The following MBOAT1 variants were observed in gnomAD, a reference collection of about 807,000 sequenced individuals.
The protein encoded by MBOAT1 is membrane-bound glycerophospholipid O-acyltransferase 1.
In MBOAT1, 67 loss-of-function variants were observed where a neutral mutation model predicts 64.4. That is an observed-to-expected ratio of 1.04 (90% confidence interval 0.85 to 1.27). The LOEUF (loss-of-function observed/expected upper bound fraction) is 1.27. Among genes scored for constraint, MBOAT1 ranks in the 50% most tolerant of loss-of-function variants. MBOAT1 has a pLI of 0.00. For synonymous variants in MBOAT1, 229 were observed against 218.9 expected (o/e 1.05, Z -0.41); for missense variants, 563 against 604.6 (o/e 0.93, Z 0.72).
chr6:20,185,305 T>C (rs1762620713), intron 1 of MBOAT1, among the ~76,000 whole-genome samples: 1 of 152,190 alleles, frequency 6.6e-6, no homozygotes, highest in Non-Finnish European at 1.5e-5. Context: ...ATATGCCAAC[T>C]TGGCTAGGCC....
At chr6:20,109,803 A>G (rs2113628409) in intron 11 of MBOAT1, 54 bp from the exon 12 acceptor site, 1 of 1,570,132 alleles carries the variant, frequency 6.4e-7, no homozygotes, top group Non-Finnish European at 8.7e-7. Context: ...ACAAATAACA[A>G]CTTTTACTCT....
intron 1 of MBOAT1, among the ~76,000 whole-genome samples, chr6:20,171,598 CTA>C (rs1762198933): frequency 6.6e-6 from 1 of 152,082 alleles, no homozygotes; most frequent in South Asian, 2.1e-4. Context: ...TCATGTACGT[CTA>C]TTGGAAATGA....
At chr6:20,202,576 C>T (rs1479368023) in intron 1 of MBOAT1, among the ~76,000 whole-genome samples, 1 of 148,042 alleles carries the variant, frequency 6.8e-6, no homozygotes, top group African/African-American at 2.5e-5. Context: ...TCCACTAATA[C>T]AAGGAAGTTG....
intron 1 of MBOAT1, among the ~76,000 whole-genome samples, chr6:20,196,164 C>T (rs1342825298): frequency 6.6e-6 from 1 of 152,190 alleles, no homozygotes; most frequent in East Asian, 1.9e-4. Flanking sequence ...AAATCCAAAG[C>T]AGCAAATGCA....
chr6:20,113,627 AT>A (rs1471702823), intron 10 of MBOAT1, among the ~76,000 whole-genome samples: 1 of 151,960 alleles, frequency 6.6e-6, no homozygotes, highest in Non-Finnish European at 1.5e-5. Context: ...TTAAAGAGTG[AT>A]ACTGTGACAA....
chr6:20,149,239 G>C (rs541820876), intron 3 of MBOAT1, among the ~76,000 whole-genome samples: 2 of 152,036 alleles, frequency 1.3e-5, no homozygotes, highest in Non-Finnish European at 2.9e-5. Context: ...AAACCACATG[G>C]CTCTGCCAAG....
At chr6:20,116,527 A>G (rs1434417479) in intron 9 of MBOAT1, among the ~76,000 whole-genome samples, 2 of 152,006 alleles carry the variant, frequency 1.3e-5, no homozygotes, top group Non-Finnish European at 2.9e-5. Flanking sequence ...AGGGAGAGAA[A>G]AGTGGGAGGA....
intron 1 of MBOAT1, among the ~76,000 whole-genome samples, chr6:20,165,425 AC>A (rs1761987097): frequency 6.6e-6 from 1 of 152,130 alleles, no homozygotes. Context: ...CACACTGTGT[AC>A]CCAACTCTAC....
rs548463279 is a variant in MBOAT1 at position 20,196,873 on chromosome 6, A to C, written c.99+15263T>G. On this transcript the variant is annotated intron_variant, in intron 1 of 12. Transcript: ENST00000324607. Reference sequence around the variant, plus strand: ...GCGAAACTCCATCTCAAAAAAAAAAACAAACAAACAAAAAAAAAACTGAAC... The same window carrying C: ...GCGAAACTCCATCTCAAAAAAAAAACCAAACAAACAAAAAAAAAACTGAAC... Among the ~76,000 whole-genome samples the C allele has an allele frequency of 8.3e-4, 119 of 143,528 alleles. 1 individual carries two copies. Among genetic ancestry groups the C allele is most frequent in the African/African-American group, 2.6e-3 (101 of 39,132 alleles). The allele number at this position is 143,528 out of a possible 152,430, so 94.2% of individuals were successfully genotyped here.
intron 1 of MBOAT1, among the ~76,000 whole-genome samples, chr6:20,165,967 C>T (rs1762005434): frequency 6.6e-6 from 1 of 151,738 alleles, no homozygotes; most frequent in Non-Finnish European, 1.5e-5. Flanking sequence ...AATGAATGCT[C>T]ATTTAAAAAA....
At chr6:20,181,132 A>T (rs1470155807) in intron 1 of MBOAT1, among the ~76,000 whole-genome samples, 1 of 152,226 alleles carries the variant, frequency 6.6e-6, no homozygotes, top group Non-Finnish European at 1.5e-5. Context: ...GGCATTTCCC[A>T]TCTTGTGGCT....
At chr6:20,193,207 C>T (rs886640833) in intron 1 of MBOAT1, among the ~76,000 whole-genome samples, 4 of 151,360 alleles carry the variant, frequency 2.6e-5, no homozygotes, top group South Asian at 2.1e-4. Context: ...GGGGTTTCAC[C>T]GTGTTAGCCA....
At chr6:20,140,013 T>C (rs974696639) in intron 4 of MBOAT1, among the ~76,000 whole-genome samples, 1 of 152,128 alleles carries the variant, frequency 6.6e-6, no homozygotes, top group African/African-American at 2.4e-5. Flanking sequence ...ACCAAAGCCT[T>C]TCCTTGGAGT....
intron 1 of MBOAT1, among the ~76,000 whole-genome samples, chr6:20,157,178 G>A (rs181812537): frequency 9.9e-5 from 15 of 152,264 alleles, no homozygotes; most frequent in African/African-American, 3.1e-4. Context: ...TGTAATCCTA[G>A]TTACTCAGGA....
intron 11 of MBOAT1, among the ~76,000 whole-genome samples, chr6:20,111,869 C>CATATATATACATATATATATATAT (rs1760173117): frequency 8.0e-6 from 1 of 124,324 alleles, no homozygotes; most frequent in African/African-American, 3.9e-5. Context: ...CATATATATA[C>CATATATATACATATATATATATAT]ATATATATAT....
intron 3 of MBOAT1, among the ~76,000 whole-genome samples, chr6:20,149,100 CA>C (rs60045654): frequency 0.29 from 26,192 of 91,584 alleles, 2,231 homozygotes; most frequent in Middle Eastern, 0.4. Flanking sequence ...GACTCTGTCT[CA>C]AAAAAAAAAA....
In MBOAT1 at chr6:20,102,289, A is replaced by G; in HGVS notation, c.1485T>C (p.Asp495=). ...TGTTCCGCTTCTCTTGGAGGTATCA[A>G]TCTGTTTTTCTCTTATTAATAGAGT... is the stretch of plus-strand genomic sequence containing the variant. ...TLNSINKRKT[D] is the part of the protein sequence containing the mutation. Residue 495 remains aspartate, a synonymous_variant, in exon 13 of 13, where the codon GAT becomes GAC. Transcript: ENST00000324607. 1.2e-6 allele frequency: 2 copies of G among 1,612,920 alleles called. No homozygotes were observed. Among genetic ancestry groups the G allele is most frequent in the Non-Finnish European group, 1.7e-6 (2 of 1,179,700 alleles).
chr6:20,170,140 T>C (rs1353151422), intron 1 of MBOAT1, among the ~76,000 whole-genome samples: 2 of 152,198 alleles, frequency 1.3e-5, no homozygotes, highest in Admixed American at 6.5e-5. Flanking sequence ...CCTGCAATGA[T>C]GATGCCCTTC....
intron 8 of MBOAT1, among the ~76,000 whole-genome samples, chr6:20,120,876 T>A (rs1388888067): frequency 1.3e-5 from 2 of 152,202 alleles, no homozygotes; most frequent in African/African-American, 4.8e-5. Flanking sequence ...CAAGCCTGGT[T>A]TTTGTCTCAG....
Sources: allele counts gnomAD v4.1 joint callset (sites outside exome capture counted in the v4.1 genomes callset), GRCh38; gene constraint gnomAD v4.1.1; transcripts MANE v1.5; gene names NCBI Gene and HGNC (gene_info 2026-07-23, HGNC 2026-07-21).